NOMO2: variants seen among roughly 807,000 people sequenced by gnomAD.
NOMO2 encodes the protein BOS complex subunit NOMO2.
NOMO2 carries 14 observed loss-of-function variants against 67.1 expected under a neutral mutation model. The ratio of observed to expected loss-of-function variants is 0.21; its 90% CI spans 0.14 to 0.33. NOMO2 has a LOEUF of 0.33. NOMO2 is among the 10% of genes least tolerant of loss of function. The pLI is 1.00. For synonymous variants in NOMO2, 80 were observed against 305.9 expected (o/e 0.26, Z 7.71); for missense variants, 178 against 761.0 (o/e 0.23, Z 9.01).
intron 14 of NOMO2, 27 bp from the exon 15 acceptor site, chr16:18,529,664 T>C (rs767217691): frequency 1.3e-6 from 2 of 1,516,398 alleles, no homozygotes; most frequent in Non-Finnish European, 1.8e-6. Context: ...CAAAAACGGA[T>C]ACATGGGCGT....
intron 1 of NOMO2, among the ~76,000 whole-genome samples, chr16:18,560,157 A>G (rs1341818401): frequency 1.3e-5 from 2 of 151,942 alleles, no homozygotes; most frequent in Admixed American, 1.3e-4. Flanking sequence ...CATAAAGTAC[A>G]ATCAGGACAC....
chr16:18,526,585 A>G (rs2141714684), intron 16 of NOMO2, among the ~76,000 whole-genome samples: 1 of 151,824 alleles, frequency 6.6e-6, no homozygotes, highest in African/African-American at 2.4e-5. Context: ...ACAGCAATGT[A>G]ACAGAACAAA....
chr16:18,533,387 C>A, intron 11 of NOMO2: 1 of 455,430 alleles, frequency 2.2e-6, no homozygotes, highest in South Asian at 2.6e-5. Flanking sequence ...AGAAGCAAGA[C>A]TGGGCATCTT....
At chr16:18,534,162 G>A (rs1353559744) in intron 11 of NOMO2, among the ~76,000 whole-genome samples, 1 of 151,902 alleles carries the variant, frequency 6.6e-6, no homozygotes, top group Non-Finnish European at 1.5e-5. Context: ...GATTGTGTAT[G>A]TGAAATCTAG....
At chr16:18,507,538 A>G (rs1901014096) in intron 28 of NOMO2, among the ~76,000 whole-genome samples, 1 of 47,252 alleles carries the variant, frequency 2.1e-5, no homozygotes, top group African/African-American at 9.3e-5. Context: ...GCTTTCTACC[A>G]CTGGCAAGGT....
chr16:18,539,311 C>T (rs558427509), intron 9 of NOMO2, among the ~76,000 whole-genome samples: 54 of 151,544 alleles, frequency 3.6e-4, no homozygotes, highest in African/African-American at 1.3e-3. Flanking sequence ...TGGTGAACCA[C>T]GTCTTCCTCC....
intron 3 of NOMO2, among the ~76,000 whole-genome samples, chr16:18,554,556 G>A (rs1175371907): frequency 1.3e-5 from 2 of 149,998 alleles, no homozygotes; most frequent in East Asian, 3.9e-4. Flanking sequence ...AAACTGCAAG[G>A]GAAGAGTTTC....
At chr16:18,558,040 G>A (rs1901951605) in intron 1 of NOMO2, among the ~76,000 whole-genome samples, 1 of 151,074 alleles carries the variant, frequency 6.6e-6, no homozygotes, top group Non-Finnish European at 1.5e-5. Flanking sequence ...ATGCTTTCCT[G>A]TTTATTTTAG....
At chr16:18,561,324 GC>G (rs1392417563) in intron 1 of NOMO2, among the ~76,000 whole-genome samples, 2 of 151,386 alleles carry the variant, frequency 1.3e-5, no homozygotes, top group Admixed American at 1.3e-4. Flanking sequence ...TAGCTTTCCG[GC>G]CCTAGGGTTG....
intron 2 of NOMO2, among the ~76,000 whole-genome samples, chr16:18,556,998 G>A (rs113061926): frequency 6.2e-4 from 95 of 152,082 alleles, no homozygotes; most frequent in African/African-American, 2.1e-3. Context: ...GTAGTGGCAG[G>A]TGCCTGTAAT....
At chr16:18,559,789 C>T (rs1486380554) in intron 1 of NOMO2, among the ~76,000 whole-genome samples, 1 of 152,024 alleles carries the variant, frequency 6.6e-6, no homozygotes, top group Admixed American at 6.6e-5. Flanking sequence ...TAAAGATCGG[C>T]TGGTTTTCCA....
At chr16:18,528,495 G>A (rs542802561) in intron 15 of NOMO2, among the ~76,000 whole-genome samples, 8 of 151,988 alleles carry the variant, frequency 5.3e-5, no homozygotes, top group East Asian at 1.9e-4. Context: ...AAGACCTGAC[G>A]ATGACATCTG....
At chr16:18,558,000 C>A (rs1368929452) in intron 1 of NOMO2, among the ~76,000 whole-genome samples, 5 of 151,932 alleles carry the variant, frequency 3.3e-5, no homozygotes, top group African/African-American at 1.2e-4. Flanking sequence ...TAGAAACCAC[C>A]TACAGCCTAT....
intron 11 of NOMO2, among the ~76,000 whole-genome samples, chr16:18,535,348 G>C: frequency 6.6e-6 from 1 of 151,698 alleles, no homozygotes. Flanking sequence ...GAAATAGTAA[G>C]AAGTATCAGT....
At chr16:18,528,812 GA>G (rs1901211935) in intron 15 of NOMO2, among the ~76,000 whole-genome samples, 1 of 147,664 alleles carries the variant, frequency 6.8e-6, no homozygotes, top group Non-Finnish European at 1.5e-5. Flanking sequence ...AAAAAAAAAA[GA>G]AAAAAAAAGC....
intron 6 of NOMO2, among the ~76,000 whole-genome samples, chr16:18,544,835 C>T (rs1381694003): frequency 4.0e-5 from 6 of 151,668 alleles, no homozygotes; most frequent in Non-Finnish European, 7.4e-5. Flanking sequence ...ATTCTAAGCA[C>T]GCAGCACAGG....
At chr16:18,525,945 C>T (rs1211305726) in intron 16 of NOMO2, among the ~76,000 whole-genome samples, 1 of 151,510 alleles carries the variant, frequency 6.6e-6, no homozygotes, top group East Asian at 1.9e-4. Context: ...CTGCTGAACC[C>T]ATGCTGGCAG....
chr16:18,557,063 G>T (rs1901923348), intron 2 of NOMO2, among the ~76,000 whole-genome samples: 1 of 151,916 alleles, frequency 6.6e-6, no homozygotes. Flanking sequence ...GGGGGTGGAG[G>T]TTGGAGTGAG....
intron 7 of NOMO2, among the ~76,000 whole-genome samples, chr16:18,543,150 G>C (rs1400855627): frequency 3.0e-5 from 4 of 134,178 alleles, no homozygotes; most frequent in African/African-American, 1.1e-4. Context: ...GCAATGTCTT[G>C]TGAGTCAACA....
Sources: allele counts gnomAD v4.1 joint callset (sites outside exome capture counted in the v4.1 genomes callset), GRCh38; gene constraint gnomAD v4.1.1; transcripts MANE v1.5; gene names NCBI Gene and HGNC (gene_info 2026-07-23, HGNC 2026-07-21).